The following PPM1L variants were observed in gnomAD, a reference collection of about 807,000 sequenced individuals.
PPM1L encodes protein phosphatase 1L.
In PPM1L, 13 loss-of-function variants were observed where a neutral mutation model predicts 31.4. That is an observed-to-expected ratio of 0.41 (90% confidence interval 0.27 to 0.66). PPM1L has a LOEUF of 0.66. Among genes scored for constraint, PPM1L ranks in the 30% least tolerant of loss-of-function variants. The pLI, the probability that PPM1L is intolerant of heterozygous loss-of-function variation, is 0.29. For missense variants in PPM1L, 326 were observed against 453.7 expected, an observed-to-expected ratio of 0.72 and a Z score of 2.56; for synonymous variants, 184 against 175.4, an observed-to-expected ratio of 1.05 and a Z score of -0.39.
chr3:160,825,900 G>A (rs2059239600), intron 1 of PPM1L, among the ~76,000 whole-genome samples: 1 of 152,148 alleles, frequency 6.6e-6, no homozygotes, highest in Middle Eastern at 3.4e-3. Context: ...ATATGAACAG[G>A]GATCATTGTC....
intron 2 of PPM1L, among the ~76,000 whole-genome samples, chr3:161,010,502 A>C (rs1431950331): frequency 6.6e-6 from 1 of 152,190 alleles, no homozygotes; most frequent in African/African-American, 2.4e-5. Context: ...ATGTGTCTTT[A>C]TAGCAGCATG....
chr3:160,987,158 T>A (rs1716990096), intron 2 of PPM1L, among the ~76,000 whole-genome samples: 1 of 152,184 alleles, frequency 6.6e-6, no homozygotes, highest in Admixed American at 6.5e-5. Context: ...AGTGTAGCAG[T>A]GGGCCACAGG....
intron 2 of PPM1L, among the ~76,000 whole-genome samples, chr3:161,031,966 G>T (rs1288731571): frequency 1.3e-5 from 2 of 152,154 alleles, no homozygotes; most frequent in Non-Finnish European, 2.9e-5. Context: ...GCCTGTGGGG[G>T]AAGAAAAGAG....
chr3:160,883,654 C>T (rs777025431), intron 1 of PPM1L, among the ~76,000 whole-genome samples: 2 of 151,606 alleles, frequency 1.3e-5, no homozygotes, highest in Non-Finnish European at 2.9e-5. Context: ...TTTTTGTTTC[C>T]ATAGGATGTG....
At chr3:161,048,162 G>A (rs1228514785) in intron 2 of PPM1L, among the ~76,000 whole-genome samples, 4 of 152,140 alleles carry the variant, frequency 2.6e-5, no homozygotes, top group Non-Finnish European at 4.4e-5. Context: ...CCTACAGAAT[G>A]GGAGAAAATT....
At chr3:160,946,222 A>G (rs1324428235) in intron 1 of PPM1L, among the ~76,000 whole-genome samples, 2 of 152,162 alleles carry the variant, frequency 1.3e-5, no homozygotes, top group Non-Finnish European at 2.9e-5. Flanking sequence ...TTGCCTACAT[A>G]AAATATTTAT....
chr3:160,920,576 T>C (rs980034266), intron 1 of PPM1L, among the ~76,000 whole-genome samples: 4 of 144,968 alleles, frequency 2.8e-5, no homozygotes, highest in Admixed American at 6.9e-5. Flanking sequence ...ACTGCACTTA[T>C]GCATTTAGTT....
intron 2 of PPM1L, among the ~76,000 whole-genome samples, chr3:160,984,920 G>A (rs190736541): frequency 1.3e-5 from 2 of 152,260 alleles, no homozygotes; most frequent in Admixed American, 1.3e-4. Flanking sequence ...GGGAGGGAGG[G>A]CTGGTGGTGT....
intron 2 of PPM1L, among the ~76,000 whole-genome samples, chr3:161,051,293 A>G (rs983640675): frequency 6.6e-6 from 1 of 151,890 alleles, no homozygotes; most frequent in Admixed American, 6.6e-5. Context: ...ATTCATCTTT[A>G]TTTCTCCAGA....
intron 2 of PPM1L, among the ~76,000 whole-genome samples, chr3:161,035,208 A>G (rs1718710205): frequency 7.1e-6 from 1 of 140,466 alleles, no homozygotes; most frequent in African/African-American, 2.8e-5. Context: ...TTAAAGTATA[A>G]TTAAAAAAAA....
chr3:160,794,551 A>T (rs1489729539), intron 1 of PPM1L, among the ~76,000 whole-genome samples: 2 of 152,238 alleles, frequency 1.3e-5, no homozygotes, highest in African/African-American at 4.8e-5. Flanking sequence ...TCCAAGCAGC[A>T]AGGAAGTATC....
rs1208985459 is a variant in PPM1L at position 161,075,184 on chromosome 3, T to G, written c.*6027T>G. ...ATAAATTAAATATGATATCATGCAT[T>G]ATCTCAAAATATTTCTATATTAATT... is the stretch of plus-strand genomic sequence containing the variant. On this transcript the variant is annotated 3_prime_UTR_variant, in exon 4 of 4. Transcript: ENST00000498165. 1 of 152,226 alleles carries G rather than the reference T, an allele frequency of 6.6e-6. No individual in the cohort carries two copies. Among genetic ancestry groups the G allele is most frequent in the Non-Finnish European group, 1.5e-5 (1 of 68,048 alleles). The allele number at this position is 152,226 out of a possible 1,614,324, so 9.4% of individuals were successfully genotyped here.
rs78037848 is a variant in PPM1L, at chr3:160,943,183, G to A, written c.400-18553G>A. Among the ~76,000 whole-genome samples the A allele has an allele frequency of 8.0e-3, 1,220 of 152,262 alleles. 9 individuals carry two copies. The highest frequency in any genetic ancestry group is 0.013 in the Non-Finnish European group (882 of 68,020). ...CTTCTCACAGCGATCAGGGTAATGT[G>A]CTGTGGAAACCAAACTCATATGCAG... On this transcript the variant is annotated intron_variant, in intron 1 of 3. Transcript: ENST00000498165.
At chr3:160,810,245 G>C (rs1380684858) in intron 1 of PPM1L, among the ~76,000 whole-genome samples, 2 of 152,032 alleles carry the variant, frequency 1.3e-5, no homozygotes, top group African/African-American at 4.8e-5. Context: ...CATCCTGACT[G>C]TCCTGTCCCT....
At chr3:160,937,812 T>C (rs1481378503) in intron 1 of PPM1L, among the ~76,000 whole-genome samples, 2 of 152,180 alleles carry the variant, frequency 1.3e-5, no homozygotes, top group Non-Finnish European at 2.9e-5. Context: ...AGTCACTAAA[T>C]GGTAGGAACT....
At chr3:160,918,905 C>A (rs12488403) in intron 1 of PPM1L, among the ~76,000 whole-genome samples, 11,381 of 151,946 alleles carry the variant, frequency 0.075, 531 homozygotes, top group African/African-American at 0.12. Flanking sequence ...CATTAAAGTT[C>A]AAAAATGCCA....
intron 2 of PPM1L, among the ~76,000 whole-genome samples, chr3:161,045,841 G>C (rs561152147): frequency 6.6e-6 from 1 of 152,246 alleles, no homozygotes; most frequent in South Asian, 2.1e-4. Flanking sequence ...GCCAGGCGTG[G>C]TGGCTCATGC....
chr3:160,810,801 C>T (rs1712781761), intron 1 of PPM1L, among the ~76,000 whole-genome samples: 2 of 152,204 alleles, frequency 1.3e-5, no homozygotes, highest in African/African-American at 4.8e-5. Context: ...AAATGCTCCT[C>T]ATTATGCTCT....
intron 2 of PPM1L, among the ~76,000 whole-genome samples, chr3:161,040,380 G>A (rs187342973): frequency 2.6e-5 from 4 of 152,186 alleles, no homozygotes; most frequent in African/African-American, 9.6e-5. Flanking sequence ...CCATTGTATC[G>A]AGGGACTGAT....
Sources: gnomAD v4.1 joint callset for allele counts (sites outside exome capture counted in the v4.1 genomes callset) on GRCh38, gnomAD v4.1.1 for gene constraint, MANE v1.5 for transcripts, NCBI Gene and HGNC (gene_info 2026-07-23, HGNC 2026-07-21) for gene names.